The following PCDHA3 variants were observed in gnomAD, a reference collection of about 807,000 sequenced individuals.
PCDHA3 encodes protocadherin alpha-3.
PCDHA3 carries 41 observed loss-of-function variants against 62.2 expected under a neutral mutation model. That is an observed-to-expected ratio of 0.66 (90% CI 0.51 to 0.86). PCDHA3 has a LOEUF of 0.86. PCDHA3 is among the 40% of genes least tolerant of loss of function. The pLI is 0.00. For missense variants in PCDHA3, 1,304 were observed against 1,241.2 expected, an observed-to-expected ratio of 1.05 and a Z score of -0.76; for synonymous variants, 640 against 555.4, an observed-to-expected ratio of 1.15 and a Z score of -2.14.
intron 1 of PCDHA3, chr5:140,882,378 A>G: frequency 6.2e-7 from 1 of 1,614,186 alleles, no homozygotes; most frequent in Non-Finnish European, 8.5e-7. Flanking sequence ...TCCGTCCCCG[A>G]GGAAGCAAAA....
intron 1 of PCDHA3, chr5:140,834,591 T>C: frequency 1.2e-6 from 2 of 1,614,048 alleles, no homozygotes; most frequent in Non-Finnish European, 1.7e-6. Flanking sequence ...GGTGTGCAAA[T>C]TCCGTGGGGA....
intron 1 of PCDHA3, chr5:140,858,071 C>A: frequency 6.3e-7 from 1 of 1,597,680 alleles, no homozygotes; most frequent in Non-Finnish European, 8.6e-7. Context: ...CAGCCAGGCA[C>A]CCAAGGCCTC....
chr5:140,856,457 CA>C, intron 1 of PCDHA3: 1 of 1,598,330 alleles, frequency 6.3e-7, no homozygotes, highest in East Asian at 2.2e-5. Context: ...CGTAACAGAA[CA>C]AAAGCTCTCA....
chr5:140,855,925 C>T, intron 1 of PCDHA3: 2 of 1,240,614 alleles, frequency 1.6e-6, no homozygotes, highest in Admixed American at 2.5e-5. Flanking sequence ...TAGGAAGTAG[C>T]GTCATTCTGA....
At chr5:140,925,052 A>G (rs1221049582) in intron 1 of PCDHA3, among the ~76,000 whole-genome samples, 1 of 151,720 alleles carries the variant, frequency 6.6e-6, no homozygotes, top group African/African-American at 2.4e-5. Context: ...TTGAGACCAG[A>G]CTGGGCAACA....
rs1554125205 is a variant in PCDHA3, at chr5:140,809,420, G to T, written c.2394+5829G>T. On this transcript the variant is annotated intron_variant, in intron 1 of 3. Transcript: ENST00000522353. ...GCCCACGCTGGTGTGCTCCAGTGCG[G>T]TGGGGAGCTGGTCATACTCGCAGCA... 3.0e-5 allele frequency: 48 copies of T among 1,614,112 alleles called. No homozygotes were observed. In the East Asian group the frequency reaches 1.0e-3, roughly 35 times the overall value.
chr5:140,995,674 A>AT (rs1240189428), intron 3 of PCDHA3, among the ~76,000 whole-genome samples: 2 of 152,112 alleles, frequency 1.3e-5, no homozygotes, highest in South Asian at 2.1e-4. Context: ...TAAATGCAGC[A>AT]TTTTTTTTAA....
rs1008533110 is a variant in PCDHA3 at position 140,836,734 on chromosome 5, A to G, written c.2394+33143A>G. The G allele has an allele frequency of 6.2e-7, 1 of 1,605,696 alleles. No homozygotes were observed. On this transcript the variant is annotated intron_variant, in intron 1 of 3. Transcript: ENST00000522353. ...CTTCCTCAGGGTCCATCCTCTACAG[A>G]CAATGTGAGTCATAAATAATCTTGT...
At chr5:140,929,557 A>AT (rs2086230665) in intron 1 of PCDHA3, 1 of 478,260 alleles carries the variant, frequency 2.1e-6, no homozygotes, top group Non-Finnish European at 3.6e-6. Flanking sequence ...ATTAAAACCT[A>AT]TTTAAGAACA....
chr5:140,926,680 A>C (rs2153583997), intron 1 of PCDHA3: 1 of 637,102 alleles, frequency 1.6e-6, no homozygotes, highest in Non-Finnish European at 2.4e-6. Flanking sequence ...CCCAGCCTCC[A>C]GCCTAGCAAG....
chr5:140,997,675 TG>T (rs1554255972), intron 3 of PCDHA3, among the ~76,000 whole-genome samples: 41 of 151,686 alleles, frequency 2.7e-4, no homozygotes, highest in African/African-American at 9.7e-4. Flanking sequence ...AGCTTGTGTG[TG>T]TGTGTGTGTG....
At chr5:140,840,377 TA>T (rs1239184910) in intron 1 of PCDHA3, among the ~76,000 whole-genome samples, 2 of 151,814 alleles carry the variant, frequency 1.3e-5, no homozygotes, top group Non-Finnish European at 2.9e-5. Context: ...AAAATGAAAA[TA>T]GGGGGTTGCA....
chr5:140,829,193 G>A (rs2150163674), intron 1 of PCDHA3: 1 of 1,614,214 alleles, frequency 6.2e-7, no homozygotes, highest in Admixed American at 1.7e-5. Context: ...ATTTGGTACT[G>A]TCATCGCCCT....
At chr5:140,821,969 T>C in intron 1 of PCDHA3, 2 of 1,614,136 alleles carry the variant, frequency 1.2e-6, no homozygotes, top group Non-Finnish European at 1.7e-6. Context: ...CTGTTCCGGG[T>C]GGCGTCCAAG....
At chr5:140,843,377 G>A (rs2150358675) in intron 1 of PCDHA3, 17 of 1,596,146 alleles carry the variant, frequency 1.1e-5, no homozygotes, top group Middle Eastern at 1.7e-4. Context: ...GTCGGCTGGC[G>A]TTTTGGGTCC....
At chr5:140,964,446 G>A (rs782155669) in intron 1 of PCDHA3, among the ~76,000 whole-genome samples, 2 of 152,100 alleles carry the variant, frequency 1.3e-5, no homozygotes, top group Non-Finnish European at 2.9e-5. Context: ...CTCTGCCACT[G>A]TAATCTCTTC....
chr5:140,830,188 C>T, intron 1 of PCDHA3: 1 of 1,613,672 alleles, frequency 6.2e-7, no homozygotes, highest in South Asian at 1.1e-5. Flanking sequence ...TCAACGTGTA[C>T]CTGATCATCG....
intron 1 of PCDHA3, among the ~76,000 whole-genome samples, chr5:140,910,787 T>G (rs566298433): frequency 2.0e-5 from 3 of 152,196 alleles, no homozygotes; most frequent in Non-Finnish European, 4.4e-5. Flanking sequence ...CAACATTAAA[T>G]GCAGAATCCC....
intron 1 of PCDHA3, among the ~76,000 whole-genome samples, chr5:140,895,928 A>G (rs559949902): frequency 5.9e-5 from 9 of 152,226 alleles, no homozygotes; most frequent in African/African-American, 1.9e-4. Flanking sequence ...ATCCTGCCTC[A>G]GCCTCCCGAG....
Sources: allele counts gnomAD v4.1 joint callset (sites outside exome capture counted in the v4.1 genomes callset), GRCh38; gene constraint gnomAD v4.1.1; transcripts MANE v1.5; gene names NCBI Gene and HGNC (gene_info 2026-07-23, HGNC 2026-07-21).